ABLIM1: variants seen among roughly 807,000 people sequenced by gnomAD.
ABLIM1 encodes actin binding LIM protein 1.
Under a neutral mutation model 107.0 loss-of-function variants are expected in ABLIM1, and 40 were observed. The ratio of observed to expected loss-of-function variants is 0.37; its 90% CI spans 0.29 to 0.49. The LOEUF (loss-of-function observed/expected upper bound fraction) is 0.49. Ranked by LOEUF, ABLIM1 falls within the 20% of genes least tolerant of loss-of-function variation. The probability of loss-of-function intolerance (pLI) is 0.97; values close to 1 mark genes in which losing one functional copy is unlikely to be tolerated. For missense variants in ABLIM1, 857 were observed against 1,008.5 expected (o/e 0.85, Z 2.04); for synonymous variants, 357 against 357.3 (o/e 1.00, Z 0.01).
intron 1 of ABLIM1, among the ~76,000 whole-genome samples, chr10:114,755,498 G>A (rs1378458239): frequency 6.6e-6 from 1 of 152,186 alleles, no homozygotes. Flanking sequence ...ACTCATTCCT[G>A]TGCTTCATGC....
At chr10:114,723,151 T>C (rs1053115118) in intron 1 of ABLIM1, among the ~76,000 whole-genome samples, 1 of 152,176 alleles carries the variant, frequency 6.6e-6, no homozygotes, top group African/African-American at 2.4e-5. Context: ...ATTCAATCCT[T>C]TCTAAGTGCC....
At chr10:114,664,356 C>G (rs181075512) in intron 1 of ABLIM1, among the ~76,000 whole-genome samples, 168 of 152,240 alleles carry the variant, frequency 1.1e-3, no homozygotes, top group African/African-American at 3.8e-3. Flanking sequence ...AAACAGCACA[C>G]GAATTAGCAG....
intron 6 of ABLIM1, among the ~76,000 whole-genome samples, chr10:114,494,152 G>A (rs966454622): frequency 3.9e-5 from 6 of 152,138 alleles, no homozygotes; most frequent in African/African-American, 9.7e-5. Context: ...CAAATGAGCC[G>A]AAAGAATGGA....
chr10:114,632,606 G>C, intron 1 of ABLIM1: 1 of 985,370 alleles, frequency 1.0e-6, no homozygotes, highest in Non-Finnish European at 1.2e-6. Flanking sequence ...ACCTGAATGG[G>C]GCTGGGGGAA....
rs559868963 is a variant in ABLIM1 at position 114,669,176 on chromosome 10, A to T, written c.64+15114T>A. On this transcript the variant is annotated intron_variant, in intron 1 of 23. Transcript: ENST00000369256. ...TTGAGCCTCTTATCTCATTGCATTA[A>T]CTAAATGATCTAACTCAGCAGTACT... Among the ~76,000 whole-genome samples, 42 of 152,344 alleles carry T rather than the reference A, an allele frequency of 2.8e-4. No homozygotes were observed. The South Asian group carries it at 8.3e-3, about 30-fold the overall frequency.
intron 6 of ABLIM1, among the ~76,000 whole-genome samples, chr10:114,502,798 T>A (rs535991246): frequency 1.3e-5 from 2 of 152,154 alleles, no homozygotes; most frequent in African/African-American, 2.4e-5. Flanking sequence ...TTGAGAAAAA[T>A]GCACAAATTC....
At chr10:114,737,301 T>C (rs1048801934) in intron 1 of ABLIM1, among the ~76,000 whole-genome samples, 1 of 152,164 alleles carries the variant, frequency 6.6e-6, no homozygotes, top group Non-Finnish European at 1.5e-5. Flanking sequence ...AGCAAGACCC[T>C]GTCTCAAAAG....
chr10:114,703,777 G>A (rs564128980), intron 1 of ABLIM1, among the ~76,000 whole-genome samples: 3 of 152,290 alleles, frequency 2.0e-5, no homozygotes, highest in African/African-American at 7.2e-5. Context: ...TAGTTTATCA[G>A]TTCATTCATC....
At chr10:114,751,057 A>G (rs946868974) in intron 1 of ABLIM1, among the ~76,000 whole-genome samples, 14 of 152,330 alleles carry the variant, frequency 9.2e-5, no homozygotes, top group Non-Finnish European at 1.8e-4. Context: ...CTGCAAAGTC[A>G]AAAAACTATA....
chr10:114,715,007 G>A (rs1439770628), intron 1 of ABLIM1, among the ~76,000 whole-genome samples: 1 of 152,124 alleles, frequency 6.6e-6, no homozygotes, highest in Non-Finnish European at 1.5e-5. Flanking sequence ...GGAAGAAGGA[G>A]AGAAGGAAAG....
intron 10 of ABLIM1, among the ~76,000 whole-genome samples, chr10:114,469,382 C>T (rs971454189): frequency 6.6e-6 from 1 of 152,188 alleles, no homozygotes; most frequent in African/African-American, 2.4e-5. Context: ...TTCCATCCTC[C>T]TAGGCACACA....
intron 6 of ABLIM1, among the ~76,000 whole-genome samples, chr10:114,532,093 G>C (rs2065510078): frequency 6.6e-6 from 1 of 152,216 alleles, no homozygotes; most frequent in Admixed American, 6.5e-5. Flanking sequence ...GGGATCACAA[G>C]CATGAGCCAC....
At chr10:114,527,659 CT>C (rs10639922) in intron 6 of ABLIM1, among the ~76,000 whole-genome samples, 183 of 127,268 alleles carry the variant, frequency 1.4e-3, no homozygotes, top group South Asian at 2.5e-3. Context: ...CAACTCTTGT[CT>C]TTTTTTTTTT....
At chr10:114,753,297 G>A (rs1014741951) in intron 1 of ABLIM1, among the ~76,000 whole-genome samples, 1 of 152,190 alleles carries the variant, frequency 6.6e-6, no homozygotes, top group African/African-American at 2.4e-5. Context: ...GGCGTTTGAG[G>A]AATTCTGTGC....
chr10:114,569,705 C>T (rs1457968273), intron 4 of ABLIM1, among the ~76,000 whole-genome samples: 1 of 152,176 alleles, frequency 6.6e-6, no homozygotes, highest in African/African-American at 2.4e-5. Flanking sequence ...AGGTTACCTT[C>T]CCAGTGACCA....
chr10:114,633,766 G>A (rs2078317730), intron 1 of ABLIM1, among the ~76,000 whole-genome samples: 1 of 152,126 alleles, frequency 6.6e-6, no homozygotes, highest in Non-Finnish European at 1.5e-5. Flanking sequence ...AACTGCACTT[G>A]TCTACTTTCC....
At chr10:114,554,157 A>G (rs1394357600) in intron 4 of ABLIM1, among the ~76,000 whole-genome samples, 3 of 152,192 alleles carry the variant, frequency 2.0e-5, no homozygotes, top group Non-Finnish European at 4.4e-5. Flanking sequence ...AGAAAGAAGC[A>G]CAATAACGCC....
At chr10:114,448,092 C>G in intron 14 of ABLIM1, 72 bp from the exon 15 acceptor site, 2 of 1,584,992 alleles carry the variant, frequency 1.3e-6, no homozygotes, top group East Asian at 2.2e-5. Context: ...ACCCCACTTA[C>G]ATAGTTTTCT....
intron 1 of ABLIM1, among the ~76,000 whole-genome samples, chr10:114,651,577 T>C (rs1162154959): frequency 1.3e-5 from 2 of 152,042 alleles, no homozygotes; most frequent in Admixed American, 1.3e-4. Context: ...TGGGACGTGA[T>C]AGAAAGGCTT....
Sources: allele counts gnomAD v4.1 joint callset (sites outside exome capture counted in the v4.1 genomes callset), GRCh38; gene constraint gnomAD v4.1.1; transcripts MANE v1.5; gene names NCBI Gene and HGNC (gene_info 2026-07-23, HGNC 2026-07-21).